Variants in MMP15 observed in about 807,000 individuals in gnomAD.
MMP15 encodes matrix metalloproteinase-15.
MMP15 carries 36 observed loss-of-function variants against 65.0 expected under a neutral mutation model. That is an observed-to-expected ratio of 0.55 (90% CI 0.42 to 0.73). The LOEUF is 0.73. Among genes scored for constraint, MMP15 ranks in the 30% least tolerant of loss-of-function variants. The pLI, the probability that MMP15 is intolerant of heterozygous loss-of-function variation, is 0.00. For synonymous variants in MMP15, 428 were observed against 410.2 expected (o/e 1.04, Z -0.52); for missense variants, 870 against 987.8 (o/e 0.88, Z 1.60).
chr16:58,040,210 C>G, intron 4 of MMP15, 28 bp downstream of exon 4: 1 of 1,585,164 alleles, frequency 6.3e-7, no homozygotes. Context: ...GGGTGAGGGG[C>G]AGGGCAGGTG....
chr16:58,037,350 A>G, intron 1 of MMP15, 122 bp from the exon 2 acceptor site: 1 of 1,263,362 alleles, frequency 7.9e-7, no homozygotes, highest in Non-Finnish European at 1.1e-6. Flanking sequence ...CCTGGGCAGG[A>G]GGTGATGACG....
intron 5 of MMP15, 105 bp downstream of exon 5, chr16:58,040,803 G>A: frequency 6.7e-7 from 1 of 1,497,764 alleles, no homozygotes; most frequent in South Asian, 1.1e-5. Flanking sequence ...GGAACCCAAG[G>A]CTCAGTGAGG....
In MMP15 at chr16:58,041,628, G is replaced by C; in HGVS notation, c.922G>C (p.Gly308Arg). 3 of 1,574,888 alleles carry C rather than the reference G, an allele frequency of 1.9e-6. No individual in the cohort carries two copies. Among genetic ancestry groups the C allele is most frequent in the Non-Finnish European group, 2.6e-6 (3 of 1,161,480 alleles). ...GIQQLYGTPD[G>R]QPQPTQPLPT... Reference sequence around the variant, plus strand: ...CTGCCTCTCTGCAGGTACCCCAGACGGTCAGCCACAGCCTACCCAGCCTCT... The same window carrying C: ...CTGCCTCTCTGCAGGTACCCCAGACCGTCAGCCACAGCCTACCCAGCCTCT... The change falls in exon 6 of 10, where the codon GGT (glycine) becomes CGT (arginine). Residue 308 changes from glycine (G) to arginine (R), a missense_variant. By Grantham distance (125) the Gly-to-Arg change is moderately radical (BLOSUM62 -2). Transcript: ENST00000219271.
At chr16:58,033,090 C>T (rs952192103) in intron 1 of MMP15, among the ~76,000 whole-genome samples, 1 of 152,220 alleles carries the variant, frequency 6.6e-6, no homozygotes, top group Admixed American at 6.5e-5. Flanking sequence ...CGGCTGCTCA[C>T]TGCACAGTAT....
intron 1 of MMP15, among the ~76,000 whole-genome samples, chr16:58,031,747 T>G (rs1326242403): frequency 6.6e-6 from 1 of 151,790 alleles, no homozygotes; most frequent in African/African-American, 2.4e-5. Flanking sequence ...AGGGAGCAGA[T>G]TTAATCCCAG....
chr16:58,027,748 A>G (rs1172873590), intron 1 of MMP15, among the ~76,000 whole-genome samples: 1 of 151,994 alleles, frequency 6.6e-6, no homozygotes, highest in Non-Finnish European at 1.5e-5. Context: ...CCTCCCAGCC[A>G]TTTCCCCACC....
intron 4 of MMP15, 53 bp downstream of exon 4, chr16:58,040,235 C>T: frequency 1.9e-6 from 3 of 1,545,504 alleles, no homozygotes; most frequent in Non-Finnish European, 2.6e-6. Flanking sequence ...CGGAGCTGGG[C>T]AACAACACCC....
In MMP15 at chr16:58,045,085, A is replaced by T. The variant is rs963467434; in HGVS notation, c.1649A>T (p.Lys550Met). 6.2e-7 allele frequency: 1 copy of T among 1,612,950 alleles called. No homozygotes were observed. Among genetic ancestry groups the T allele is most frequent in the African/African-American group, 1.3e-5 (1 of 75,040 alleles). Residue 550 changes from lysine to methionine, a missense_variant, in exon 10 of 10, where the codon AAG (lysine) becomes ATG (methionine). Physicochemically the swap from Lys to Met is moderately conservative, Grantham distance 95. Coordinates refer to ENST00000219271, the MANE Select transcript of MMP15 (RefSeq NM_002428.4). Reference sequence around the variant, plus strand: ...CTGCGGATGGAGCCCGGCTACCCCAAGTCCATCCTGCGGGACTTCATGGGC... The same window carrying T: ...CTGCGGATGGAGCCCGGCTACCCCATGTCCATCCTGCGGGACTTCATGGGC... ...ERLRMEPGYPKSILRDFMGCQ... is the reference protein window; with the variant it reads ...ERLRMEPGYPMSILRDFMGCQ...
intron 9 of MMP15, among the ~76,000 whole-genome samples, chr16:58,044,074 A>G (rs1959505860): frequency 6.6e-6 from 1 of 152,140 alleles, no homozygotes; most frequent in Admixed American, 6.5e-5. Flanking sequence ...CCTACAAGGA[A>G]AGCCCTGTCT....
In MMP15 at chr16:58,041,707, C is replaced by G; in HGVS notation, c.1001C>G (p.Pro334Arg). The change falls in exon 6 of 10, where the codon CCT becomes CGT. Residue 334 changes from proline to arginine, a missense_variant. By Grantham distance (103) the Pro-to-Arg change is moderately radical (BLOSUM62 -2). Transcript: ENST00000219271. ...CGGCCTGACCACCGGCCGCCCCGGC[C>G]TCCCCAGCCACCACCCCCAGGTGGG... ...PGRPDHRPPR[P>R]PQPPPPGGKP... 1.3e-6 allele frequency: 2 copies of G among 1,584,224 alleles called. No homozygotes were observed. The highest frequency in any genetic ancestry group is 1.7e-6 in the Non-Finnish European group (2 of 1,165,252).
intron 5 of MMP15, 192 bp downstream of exon 5, chr16:58,040,890 G>A: frequency 2.4e-6 from 2 of 827,286 alleles, no homozygotes; most frequent in Non-Finnish European, 3.9e-6. Context: ...TGCCTCCAGG[G>A]CCTGGGCCTC....
At chr16:58,037,752 A>C (rs1413536874) in intron 2 of MMP15, 132 bp downstream of exon 2, 2 of 1,321,550 alleles carry the variant, frequency 1.5e-6, no homozygotes, top group East Asian at 4.9e-5. Flanking sequence ...TTGGTCCTCC[A>C]TGTCACTTCT....
chr16:58,033,016 G>C (rs1222700393), intron 1 of MMP15, among the ~76,000 whole-genome samples: 1 of 88,960 alleles, frequency 1.1e-5, no homozygotes, highest in African/African-American at 3.0e-5. Flanking sequence ...TGGAAGGGCC[G>C]GCTGGGGCGG....
chr16:58,045,253 A>G lies in MMP15; in HGVS notation c.1817A>G (p.Asn606Ser). Residue 606 changes from asparagine to serine, a missense_variant, in exon 10 of 10, where the codon AAC (asparagine) becomes AGC (serine). Asn to Ser is a conservative substitution (Grantham distance 46, BLOSUM62 1). Transcript: ENST00000219271. Reference sequence around the variant, plus strand: ...GATGGGGACTTTGGGGCCGGGGTCAACAAGGACGGGGGCAGCCGCGTGGTG... The same window carrying G: ...GATGGGGACTTTGGGGCCGGGGTCAGCAAGGACGGGGGCAGCCGCGTGGTG... Reference protein sequence around the residue: ...DGDGDFGAGVNKDGGSRVVVQ... With the variant: ...DGDGDFGAGVSKDGGSRVVVQ... 1.2e-6 allele frequency: 2 copies of G among 1,608,344 alleles called. No homozygotes were observed. The highest frequency in any genetic ancestry group is 1.7e-6 in the Non-Finnish European group (2 of 1,178,446).
At chr16:58,033,040 T>C (rs1320631801) in intron 1 of MMP15, among the ~76,000 whole-genome samples, 1 of 151,954 alleles carries the variant, frequency 6.6e-6, no homozygotes, top group Non-Finnish European at 1.5e-5. Flanking sequence ...CAGCAGACGC[T>C]TGCCCCCTCC....
rs560880462 is a variant in MMP15 at position 58,031,554 on chromosome 16, C to T, written c.162+5042C>T. On this transcript the variant is annotated intron_variant, in intron 1 of 9. Coordinates refer to ENST00000219271, the MANE Select transcript of MMP15 (RefSeq NM_002428.4). ...CTAACAGAGGCCTCTTCACCCCGCG[C>T]GCTGGCCAGGGAACCCGGTTGTTTT... 1.2e-4 allele frequency among the ~76,000 whole-genome samples: 19 copies of T among 152,266 alleles called. 2 individuals are homozygous for T. In the South Asian group the frequency reaches 2.1e-3, roughly 17 times the overall value.
At chr16:58,034,755 C>A (rs1354281382) in intron 1 of MMP15, among the ~76,000 whole-genome samples, 1 of 152,160 alleles carries the variant, frequency 6.6e-6, no homozygotes, top group Non-Finnish European at 1.5e-5. Flanking sequence ...TCTTGACTTC[C>A]CTGGAACTCA....
chr16:58,042,134 G>A, intron 6 of MMP15, 97 bp from the exon 7 acceptor site: 1 of 1,465,090 alleles, frequency 6.8e-7, no homozygotes, highest in South Asian at 1.3e-5. Context: ...CCTCCCCTTG[G>A]GCCCACCCTC....
chr16:58,035,839 C>A (rs1288143018), intron 1 of MMP15, among the ~76,000 whole-genome samples: 3 of 152,184 alleles, frequency 2.0e-5, no homozygotes, highest in African/African-American at 7.2e-5. Context: ...GCTGCCCCTC[C>A]TTGGGTCAGC....
Sources: allele counts gnomAD v4.1 joint callset (sites outside exome capture counted in the v4.1 genomes callset), GRCh38; gene constraint gnomAD v4.1.1; transcripts MANE v1.5; gene names NCBI Gene and HGNC (gene_info 2026-07-23, HGNC 2026-07-21).